Variants in TAFA1 observed in about 807,000 individuals in gnomAD.
TAFA1 encodes TAFA chemokine like family member 1.
TAFA1 carries 4 observed loss-of-function variants against 18.5 expected under a neutral mutation model. The observed-to-expected ratio is 0.22, with a 90% confidence interval of 0.11 to 0.49. TAFA1 has a LOEUF of 0.49. Among genes scored for constraint, TAFA1 ranks in the 20% least tolerant of loss-of-function variants. The probability of loss-of-function intolerance (pLI) is 0.98; values close to 1 mark genes in which losing one functional copy is unlikely to be tolerated. For missense variants in TAFA1, 147 were observed against 169.0 expected (o/e 0.87, Z 0.72); for synonymous variants, 56 against 55.2 (o/e 1.01, Z -0.06).
intron 2 of TAFA1, among the ~76,000 whole-genome samples, chr3:68,369,822 C>A (rs1357999812): frequency 1.3e-5 from 2 of 152,192 alleles, no homozygotes; most frequent in African/African-American, 2.4e-5. Context: ...TAGAAAAAAA[C>A]CAGATTCCCT....
At chr3:68,348,290 TCTATA>T (rs1400616911) in intron 2 of TAFA1, among the ~76,000 whole-genome samples, 1 of 152,192 alleles carries the variant, frequency 6.6e-6, no homozygotes, top group Non-Finnish European at 1.5e-5. Flanking sequence ...ACACAGTTAG[TCTATA>T]CTAACCAGTA....
chr3:68,313,832 G>A (rs1402499373), intron 2 of TAFA1, among the ~76,000 whole-genome samples: 1 of 152,172 alleles, frequency 6.6e-6, no homozygotes, highest in African/African-American at 2.4e-5. Flanking sequence ...CTCAGGCCCT[G>A]GAGTTAAAGT....
At chr3:68,021,431 GT>G (rs200527693) in intron 2 of TAFA1, among the ~76,000 whole-genome samples, 255 of 152,044 alleles carry the variant, frequency 1.7e-3, no homozygotes, top group African/African-American at 5.9e-3. Flanking sequence ...TTCTTGGGAT[GT>G]TTTTTTCTTT....
chr3:68,093,147 G>T (rs1389234845), intron 2 of TAFA1, among the ~76,000 whole-genome samples: 1 of 152,136 alleles, frequency 6.6e-6, no homozygotes, highest in African/African-American at 2.4e-5. Context: ...TTGGAGGAAA[G>T]AATGCTGGAG....
chr3:68,272,943 A>T (rs2067703869), intron 2 of TAFA1, among the ~76,000 whole-genome samples: 1 of 152,146 alleles, frequency 6.6e-6, no homozygotes, highest in East Asian at 1.9e-4. Flanking sequence ...TTCTACATGA[A>T]TGAACTGAGG....
chr3:68,085,830 G>A (rs930482340), intron 2 of TAFA1, among the ~76,000 whole-genome samples: 2 of 152,134 alleles, frequency 1.3e-5, no homozygotes, highest in African/African-American at 4.8e-5. Flanking sequence ...GTATTCTTCT[G>A]AAGCATTTCC....
intron 2 of TAFA1, among the ~76,000 whole-genome samples, chr3:68,394,441 GA>G (rs911863135): frequency 7.9e-5 from 12 of 151,564 alleles, no homozygotes; most frequent in Non-Finnish European, 1.6e-4. Flanking sequence ...CACAGAATAA[GA>G]AAAAAAACTA....
Position 68,006,717 on chromosome 3 carries a change from T to G in TAFA1, c.91T>G (p.Phe31Val). The change falls in exon 2 of 5, where the codon TTC (phenylalanine) becomes GTC (valine). Residue 31 changes from phenylalanine to valine, a missense_variant. Transcript: ENST00000478136. ...LLCHGSLQHT[F>V]QQHHLHRPEG... ...CTGCCATGGATCCCTTCAGCACACTTTCCAGCAGCATCACCTGCACAGACC... is the reference window on the plus strand; with the variant it reads ...CTGCCATGGATCCCTTCAGCACACTGTCCAGCAGCATCACCTGCACAGACC... The G allele has an allele frequency of 6.2e-7, 1 of 1,613,960 alleles. No individual in the cohort carries two copies. Among genetic ancestry groups the G allele is most frequent in the Non-Finnish European group, 8.5e-7 (1 of 1,179,822 alleles).
At chr3:68,321,740 A>C (rs1436417399) in intron 2 of TAFA1, among the ~76,000 whole-genome samples, 1 of 151,960 alleles carries the variant, frequency 6.6e-6, no homozygotes, top group African/African-American at 2.4e-5. Flanking sequence ...CTTGCTTTCT[A>C]AGTTTTATTA....
At chr3:68,182,557 T>C (rs77660429) in intron 2 of TAFA1, among the ~76,000 whole-genome samples, 7,159 of 152,302 alleles carry the variant, frequency 0.047, 522 homozygotes, top group African/African-American at 0.16. Context: ...TTGTTATTAC[T>C]AATTTATCTG....
At position 68,005,815 on chromosome 3, in the gene TAFA1, C is replaced by T. The variant is rs530713985; in HGVS notation, c.-3-809C>T. On this transcript the variant is annotated intron_variant, in intron 1 of 4. Transcript: ENST00000478136. The stretch of plus-strand genomic sequence containing the variant: ...GTTTGAGAAATTGGACAATATATAG[C>T]GCAGTTGAGCCTTTGTAGTTCCTAA... 4.6e-5 allele frequency among the ~76,000 whole-genome samples: 7 copies of T among 152,196 alleles called. 1 individual carries two copies. The highest frequency in any genetic ancestry group is 2.1e-4 in the South Asian group (1 of 4,822).
At chr3:68,003,884 C>A (rs1361777205), upstream of TAFA1, among the ~76,000 whole-genome samples, 1 of 152,116 alleles carries the variant, frequency 6.6e-6, no homozygotes, top group African/African-American at 2.4e-5. Context: ...AAACAACCAG[C>A]AGACTTAAAT....
intron 2 of TAFA1, among the ~76,000 whole-genome samples, chr3:68,259,041 A>C (rs989604370): frequency 1.3e-5 from 2 of 152,172 alleles, no homozygotes; most frequent in African/African-American, 4.8e-5. Context: ...GGATTCTCAA[A>C]TCATCTGGGG....
chr3:67,998,238 T>A, the TAFA1 span, among the ~76,000 whole-genome samples: 2 of 152,338 alleles, frequency 1.3e-5, no homozygotes, highest in South Asian at 4.1e-4. Context: ...TTTTAACATA[T>A]GAATACGTTA....
rs191225922 is a variant in TAFA1 at position 68,473,461 on chromosome 3, T to G, written c.259+56041T>G. Reference sequence around the variant, plus strand: ...CTACATGGGATTCTTGTCTTAACTTTCCAGTCTATTTTTTTTAAGTTTATA... The same window carrying G: ...CTACATGGGATTCTTGTCTTAACTTGCCAGTCTATTTTTTTTAAGTTTATA... On this transcript the variant is annotated intron_variant, in intron 3 of 4. Coordinates refer to ENST00000478136, the MANE Select transcript of TAFA1 (RefSeq NM_213609.4). 2.5e-3 allele frequency among the ~76,000 whole-genome samples: 374 copies of G among 152,240 alleles called. 1 individual carries two copies. Among genetic ancestry groups the G allele is most frequent in the Non-Finnish European group, 3.8e-3 (256 of 68,024 alleles).
At chr3:68,081,711 G>T (rs1005756086) in intron 2 of TAFA1, among the ~76,000 whole-genome samples, 6 of 152,154 alleles carry the variant, frequency 3.9e-5, no homozygotes, top group African/African-American at 9.7e-5. Context: ...CACTGCTCTC[G>T]TCAAAGCTGT....
chr3:68,403,144 G>C (rs1365960940), intron 2 of TAFA1, among the ~76,000 whole-genome samples: 1 of 152,168 alleles, frequency 6.6e-6, no homozygotes, highest in Non-Finnish European at 1.5e-5. Context: ...AGAAGTAATA[G>C]GCTATACTAT....
intron 2 of TAFA1, among the ~76,000 whole-genome samples, chr3:68,050,748 A>G (rs950400758): frequency 6.6e-6 from 1 of 152,186 alleles, no homozygotes; most frequent in African/African-American, 2.4e-5. Context: ...GTAAAAGTCC[A>G]GAGAATAATT....
chr3:68,152,233 C>G (rs1266837437), intron 2 of TAFA1, among the ~76,000 whole-genome samples: 6 of 152,116 alleles, frequency 3.9e-5, no homozygotes, highest in Admixed American at 3.9e-4. Flanking sequence ...ATCACCTAGG[C>G]TGTTTGTTGA....
Sources: allele counts gnomAD v4.1 joint callset (sites outside exome capture counted in the v4.1 genomes callset), GRCh38; gene constraint gnomAD v4.1.1; transcripts MANE v1.5; gene names NCBI Gene and HGNC (gene_info 2026-07-23, HGNC 2026-07-21).